The following YAF2 variants were observed in gnomAD, a reference collection of about 807,000 sequenced individuals.
YAF2 encodes YY1-associated factor 2.
A neutral mutation model predicts 20.1 loss-of-function variants in YAF2; 7 were observed. That is an observed-to-expected ratio of 0.35 (90% CI 0.20 to 0.65). YAF2 has a LOEUF of 0.65. Among genes scored for constraint, YAF2 ranks in the 30% least tolerant of loss-of-function variants. The probability of loss-of-function intolerance (pLI) is 0.69; values close to 1 mark genes in which losing one functional copy is unlikely to be tolerated. For missense variants in YAF2, 151 were observed against 219.2 expected (o/e 0.69, Z 1.96); for synonymous variants, 74 against 76.0 (o/e 0.97, Z 0.14).
chr12:42,187,554 C>T (rs1312395348), intron 2 of YAF2, among the ~76,000 whole-genome samples: 3 of 151,920 alleles, frequency 2.0e-5, no homozygotes, highest in Non-Finnish European at 4.4e-5. Flanking sequence ...GATACAATGG[C>T]ATAACGTTTA....
intron 1 of YAF2, 79 bp downstream of exon 1, chr12:42,238,076 A>G: frequency 8.2e-7 from 1 of 1,225,696 alleles, no homozygotes. Flanking sequence ...CCGGGCGGCT[A>G]GCGAGGCGGC....
chr12:42,182,541 C>T (rs1296418860), intron 2 of YAF2, among the ~76,000 whole-genome samples: 2 of 152,156 alleles, frequency 1.3e-5, no homozygotes, highest in Admixed American at 1.3e-4. Flanking sequence ...AAAAGATGAG[C>T]TGGAATCACA....
intron 2 of YAF2, among the ~76,000 whole-genome samples, chr12:42,221,905 C>G (rs2067527969): frequency 6.6e-6 from 1 of 152,178 alleles, no homozygotes; most frequent in Non-Finnish European, 1.5e-5. Context: ...TCTTATCTGT[C>G]TATCATTAAG....
Position 42,208,651 on chromosome 12 carries a change from A to T in YAF2, c.152+28948T>A, listed in dbSNP as rs2067120646. On this transcript the variant is annotated intron_variant, in intron 2 of 3. Coordinates refer to ENST00000534854, the MANE Select transcript of YAF2 (RefSeq NM_005748.6). Reference sequence around the variant, plus strand: ...TCCATGAATTAATAGTCTTACAGACATCCCACTTTTCTACTGAAGAACTGA... The same window carrying T: ...TCCATGAATTAATAGTCTTACAGACTTCCCACTTTTCTACTGAAGAACTGA... Among the ~76,000 whole-genome samples the T allele has an allele frequency of 2.6e-5, 4 of 152,212 alleles. No homozygotes were observed. The South Asian group carries it at 8.3e-4, about 31-fold the overall frequency.
chr12:42,234,341 G>T, intron 2 of YAF2: 1 of 985,374 alleles, frequency 1.0e-6, no homozygotes, highest in Non-Finnish European at 1.2e-6. Flanking sequence ...ATTTACTACT[G>T]TTTCTCTCAC....
chr12:42,166,136 C>T (rs1023744887), intron 2 of YAF2, among the ~76,000 whole-genome samples: 2 of 151,876 alleles, frequency 1.3e-5, no homozygotes, highest in Non-Finnish European at 2.9e-5. Flanking sequence ...TGGTCTTGAA[C>T]GCCCAACCTC....
chr12:42,209,708 A>C (rs1191256658), intron 2 of YAF2, among the ~76,000 whole-genome samples: 1 of 152,348 alleles, frequency 6.6e-6, no homozygotes, highest in African/African-American at 2.4e-5. Context: ...CAAAAAAGCA[A>C]CATCATAAAG....
intron 2 of YAF2, among the ~76,000 whole-genome samples, chr12:42,186,751 T>C (rs1252178433): frequency 6.6e-6 from 1 of 152,158 alleles, no homozygotes. Flanking sequence ...AGCAGATTAG[T>C]ATTAAATTTG....
intron 2 of YAF2, among the ~76,000 whole-genome samples, chr12:42,202,538 A>C (rs1376518114): frequency 1.3e-5 from 2 of 152,184 alleles, no homozygotes; most frequent in African/African-American, 4.8e-5. Flanking sequence ...GTGTCTCACT[A>C]ATTTCATTCA....
At position 42,159,311 on chromosome 12, in the gene YAF2, A is replaced by G. The variant is rs1023952485; in HGVS notation, c.*1278T>C. The G allele has an allele frequency of 6.6e-6, 1 of 152,106 alleles. No homozygotes were observed. The highest frequency in any genetic ancestry group is 2.4e-5 in the African/African-American group (1 of 41,436). The allele number at this position is 152,106 out of a possible 1,614,324, so 9.4% of individuals were successfully genotyped here. ...CAATTCAGAAGTCTCCTTTAGGTAG[A>G]TATATATTAAGCAAATGGTTAAGAG... On this transcript the variant is annotated 3_prime_UTR_variant, in exon 4 of 4. Transcript: ENST00000534854.
intron 2 of YAF2, among the ~76,000 whole-genome samples, chr12:42,211,972 C>T: frequency 6.6e-6 from 1 of 151,902 alleles, no homozygotes; most frequent in African/African-American, 2.4e-5. Context: ...TAGCTTGAAC[C>T]CAGAAGGCGG....
At chr12:42,224,882 G>T (rs768671914) in intron 2 of YAF2, among the ~76,000 whole-genome samples, 1 of 152,102 alleles carries the variant, frequency 6.6e-6, no homozygotes, top group African/African-American at 2.4e-5. Flanking sequence ...AATCCTTTGG[G>T]TATATACCCA....
intron 2 of YAF2, among the ~76,000 whole-genome samples, chr12:42,230,837 T>C (rs1210892186): frequency 2.6e-5 from 4 of 151,396 alleles, no homozygotes; most frequent in Admixed American, 2.0e-4. Context: ...GAAAAAGGAG[T>C]CTTAGAGACA....
intron 2 of YAF2, among the ~76,000 whole-genome samples, chr12:42,188,383 C>CTTT (rs765727694): frequency 1.1e-4 from 13 of 118,848 alleles, no homozygotes; most frequent in East Asian, 2.4e-4. Flanking sequence ...ATATATTTTG[C>CTTT]TTTTTTTTTT....
intron 1 of YAF2, chr12:42,237,925 C>A: frequency 6.8e-6 from 3 of 440,036 alleles, no homozygotes; most frequent in Non-Finnish European, 9.4e-6. Flanking sequence ...GCAGTCGCCG[C>A]CGCCACAGCC....
intron 2 of YAF2, among the ~76,000 whole-genome samples, chr12:42,196,227 GAAAAAA>G (rs34267272): frequency 9.4e-5 from 7 of 74,510 alleles, no homozygotes; most frequent in African/African-American, 5.2e-5. Context: ...AATCCATCTG[GAAAAAA>G]AAAAAAAAAA....
intron 2 of YAF2, among the ~76,000 whole-genome samples, chr12:42,198,106 C>T (rs774551532): frequency 2.0e-5 from 3 of 151,786 alleles, no homozygotes; most frequent in Non-Finnish European, 2.9e-5. Context: ...AATGTTGGGC[C>T]TCACCTTATA....
At chr12:42,237,573 G>C in intron 2 of YAF2, 26 bp downstream of exon 2, 1 of 1,494,604 alleles carries the variant, frequency 6.7e-7, no homozygotes, top group South Asian at 1.3e-5. Context: ...CCGGCCGGCG[G>C]CGCGAGGGGC....
intron 2 of YAF2, among the ~76,000 whole-genome samples, chr12:42,180,233 T>A (rs2066308856): frequency 6.6e-6 from 1 of 152,164 alleles, no homozygotes; most frequent in Non-Finnish European, 1.5e-5. Flanking sequence ...TTGGATGTCA[T>A]TTCCAAAATT....
Sources: allele counts gnomAD v4.1 joint callset (sites outside exome capture counted in the v4.1 genomes callset), GRCh38; gene constraint gnomAD v4.1.1; transcripts MANE v1.5; gene names NCBI Gene and HGNC (gene_info 2026-07-23, HGNC 2026-07-21).